Variants in ADGRL2 observed in about 807,000 individuals in gnomAD.
ADGRL2 encodes the protein calcium-independent alpha-latrotoxin receptor 2.
A neutral mutation model predicts 157.4 loss-of-function variants in ADGRL2; 44 were observed. The ratio of observed to expected loss-of-function variants is 0.28; its 90% CI spans 0.22 to 0.36. The LOEUF (loss-of-function observed/expected upper bound fraction) is 0.36. Among genes scored for constraint, ADGRL2 ranks in the 10% least tolerant of loss-of-function variants. The probability of loss-of-function intolerance (pLI) is 1.00; values close to 1 mark genes in which losing one functional copy is unlikely to be tolerated. For missense variants in ADGRL2, 1,510 were observed against 1,768.9 expected, an observed-to-expected ratio of 0.85 and a Z score of 2.63; for synonymous variants, 585 against 624.7, an observed-to-expected ratio of 0.94 and a Z score of 0.95.
At position 81,733,824 on chromosome 1, in the gene ADGRL2, G is replaced by A. The variant is rs187651600; in HGVS notation, c.-142-27987G>A. Among the ~76,000 whole-genome samples, 604 of 152,224 alleles carry A rather than the reference G, an allele frequency of 4.0e-3. 1 individual carries two copies. The highest frequency in any genetic ancestry group is 6.6e-3 in the Non-Finnish European group (448 of 68,006). On this transcript the variant is annotated intron_variant, in intron 1 of 20. Transcript: ENST00000359929. ...CAAAGAAGGTAACTGCAGACACTGG[G>A]GCTGACTTGAAGGTAGAGGGTGGGA...
chr1:81,992,676 C>T lies in ADGRL2; in HGVS notation c.*1531C>T, dbSNP rs1379284536. 6.6e-6 allele frequency among the ~76,000 whole-genome samples: 1 copy of T among 151,644 alleles called. No homozygotes were observed. Among genetic ancestry groups the T allele is most frequent in the Non-Finnish European group, 1.5e-5 (1 of 67,916 alleles). On this transcript the variant is annotated 3_prime_UTR_variant, in exon 24 of 24. Coordinates refer to ENST00000686636, the MANE Select transcript of ADGRL2 (RefSeq NM_001366006.2). ...TTTTGTTTGTTGCATTGTACCAGGA[C>T]TAAAAAAAGAAGGATTGGAAGTTCT...
chr1:81,358,967 A>G (rs1431120141), intron 1 of ADGRL2, among the ~76,000 whole-genome samples: 1 of 152,100 alleles, frequency 6.6e-6, no homozygotes, highest in Non-Finnish European at 1.5e-5. Context: ...TTAGAGGAAG[A>G]GGACAGAGGA....
At chr1:81,593,789 GC>G (rs1206128038) in intron 3 of ADGRL2, among the ~76,000 whole-genome samples, 23 of 152,060 alleles carry the variant, frequency 1.5e-4, no homozygotes, top group Admixed American at 1.5e-3. Context: ...ATGCTTCTAA[GC>G]AAAAACCATT....
chr1:81,581,331 C>T (rs1318115355), intron 3 of ADGRL2, among the ~76,000 whole-genome samples: 1 of 152,092 alleles, frequency 6.6e-6, no homozygotes, highest in Non-Finnish European at 1.5e-5. Context: ...AAAAACTTTT[C>T]CTTGGAATTT....
At chr1:81,724,556 T>C (rs983067129) in intron 1 of ADGRL2, among the ~76,000 whole-genome samples, 1 of 151,426 alleles carries the variant, frequency 6.6e-6, no homozygotes, top group African/African-American at 2.4e-5. Context: ...TCCCCTCCAA[T>C]GATAAAGAAA....
At chr1:81,453,184 TCTGA>T (rs1357192930) in intron 2 of ADGRL2, among the ~76,000 whole-genome samples, 1 of 152,212 alleles carries the variant, frequency 6.6e-6, no homozygotes, top group Non-Finnish European at 1.5e-5. Context: ...GGAATTCCAC[TCTGA>T]CTAACTGCAT....
At chr1:81,989,759 GC>G in intron 23 of ADGRL2, 2 of 1,598,030 alleles carry the variant, frequency 1.3e-6, no homozygotes. Flanking sequence ...GTGCTTGTGG[GC>G]CCCTGGTCCA....
At chr1:81,548,026 T>G (rs931155112) in intron 2 of ADGRL2, among the ~76,000 whole-genome samples, 2 of 152,188 alleles carry the variant, frequency 1.3e-5, no homozygotes, top group South Asian at 2.1e-4. Flanking sequence ...AAATCAAGTC[T>G]CAGAATGATT....
chr1:81,651,325 C>T (rs1348940021), intron 3 of ADGRL2, among the ~76,000 whole-genome samples: 1 of 151,896 alleles, frequency 6.6e-6, no homozygotes, highest in Non-Finnish European at 1.5e-5. Flanking sequence ...AAGTATCAAA[C>T]CAAGAATATG....
At chr1:81,676,992 C>CTTT (rs576001428) in intron 3 of ADGRL2, among the ~76,000 whole-genome samples, 20 of 131,884 alleles carry the variant, frequency 1.5e-4, no homozygotes, top group Middle Eastern at 4.8e-3. Context: ...TTGGATTATT[C>CTTT]TTTTTTTTTT....
chr1:81,619,901 G>A (rs1260624189), intron 3 of ADGRL2, among the ~76,000 whole-genome samples: 2 of 151,862 alleles, frequency 1.3e-5, no homozygotes, highest in Admixed American at 6.6e-5. Flanking sequence ...GTGACCTTGA[G>A]CAAGTTACCT....
chr1:81,986,832 C>G, intron 21 of ADGRL2, 69 bp from the exon 22 acceptor site: 1 of 1,512,446 alleles, frequency 6.6e-7, no homozygotes, highest in Non-Finnish European at 9.0e-7. Flanking sequence ...TTGACTACAA[C>G]TGTAACACTA....
At chr1:81,903,848 T>C (rs983673817) in intron 2 of ADGRL2, among the ~76,000 whole-genome samples, 2 of 136,554 alleles carry the variant, frequency 1.5e-5, no homozygotes. Context: ...CACACACACA[T>C]ATTTGGTTGG....
At chr1:81,561,030 C>T (rs1198797285) in intron 2 of ADGRL2, among the ~76,000 whole-genome samples, 2 of 152,106 alleles carry the variant, frequency 1.3e-5, no homozygotes, top group African/African-American at 4.8e-5. Context: ...ATGATTTCCT[C>T]ACCTCTTTTG....
At chr1:81,434,944 G>T (rs1170426014) in intron 1 of ADGRL2, among the ~76,000 whole-genome samples, 1 of 152,172 alleles carries the variant, frequency 6.6e-6, no homozygotes, top group Non-Finnish European at 1.5e-5. Context: ...GGACTCCTGT[G>T]AGAATTAAAT....
intron 3 of ADGRL2, among the ~76,000 whole-genome samples, chr1:81,590,383 G>A (rs1359308): frequency 0.36 from 54,200 of 151,850 alleles, 10,059 homozygotes; most frequent in Non-Finnish European, 0.4. Context: ...GGATAGCTTA[G>A]GACAGTTCCC....
chr1:81,956,415 T>C (rs1237383171), intron 11 of ADGRL2, among the ~76,000 whole-genome samples: 1 of 152,178 alleles, frequency 6.6e-6, no homozygotes, highest in African/African-American at 2.4e-5. Flanking sequence ...ATGTTCCTAA[T>C]GAATTTAAAT....
At chr1:81,843,429 C>A (rs955087363) in intron 2 of ADGRL2, among the ~76,000 whole-genome samples, 4 of 151,894 alleles carry the variant, frequency 2.6e-5, no homozygotes, top group African/African-American at 9.7e-5. Flanking sequence ...CTGTGCCCGG[C>A]CAAAAAAATG....
At chr1:81,639,628 A>G (rs369384806) in intron 3 of ADGRL2, among the ~76,000 whole-genome samples, 1 of 151,806 alleles carries the variant, frequency 6.6e-6, no homozygotes, top group East Asian at 1.9e-4. Flanking sequence ...TTAATCTCAG[A>G]CAGAGCAGAC....
Sources: gnomAD v4.1 joint callset for allele counts (sites outside exome capture counted in the v4.1 genomes callset) on GRCh38, gnomAD v4.1.1 for gene constraint, MANE v1.5 for transcripts, NCBI Gene and HGNC (gene_info 2026-07-23, HGNC 2026-07-21) for gene names.